The following SLC25A13 variants were observed in gnomAD, a reference collection of about 807,000 sequenced individuals.
SLC25A13 encodes the protein electrogenic aspartate/glutamate antiporter SLC25A13, mitochondrial.
In SLC25A13, 70 loss-of-function variants were observed where a neutral mutation model predicts 85.5. That is an observed-to-expected ratio of 0.82 (90% CI 0.68 to 1.00). SLC25A13 has a LOEUF of 1.00. Ranked by LOEUF, SLC25A13 falls within the 50% of genes least tolerant of loss-of-function variation. The probability of loss-of-function intolerance (pLI) is 0.00; values close to 1 mark genes in which losing one functional copy is unlikely to be tolerated. For synonymous variants in SLC25A13, 259 were observed against 288.7 expected (o/e 0.90, Z 1.04); for missense variants, 765 against 819.8 (o/e 0.93, Z 0.82).
chr7:96,168,546 C>T (rs951492978), intron 13 of SLC25A13, among the ~76,000 whole-genome samples: 10 of 152,154 alleles, frequency 6.6e-5, no homozygotes, highest in African/African-American at 1.4e-4. Context: ...CTAGAAAATA[C>T]GTGCCACAAC....
Position 96,121,925 on chromosome 7 carries a change from C to T in SLC25A13, c.1664G>A (p.Gly555Asp). 1 of 1,614,068 alleles carries T rather than the reference C, an allele frequency of 6.2e-7. No individual in the cohort carries two copies. The highest frequency in any genetic ancestry group is 8.5e-7 in the Non-Finnish European group (1 of 1,180,016). The stretch of plus-strand genomic sequence containing the variant: ...TATCACTCCGCTGTAAGTGGTTTGG[C>T]CAGCCCGGGCAGCCACCTGTAATCT... ...KTRLQVAARAGQTTYSGVIDC... is the reference protein window; with the variant it reads ...KTRLQVAARADQTTYSGVIDC... The change falls in exon 16 of 18, where the codon GGC becomes GAC. Residue 555 changes from glycine (G) to aspartate (D), a missense_variant. Coordinates refer to ENST00000265631, the MANE Select transcript of SLC25A13 (RefSeq NM_014251.3).
intron 4 of SLC25A13, among the ~76,000 whole-genome samples, chr7:96,223,924 G>A (rs1401682696): frequency 6.6e-6 from 1 of 151,494 alleles, no homozygotes; most frequent in Non-Finnish European, 1.5e-5. Flanking sequence ...AGCATTATAA[G>A]ATACATCACT....
At chr7:96,149,446 G>A (rs1792934057) in intron 13 of SLC25A13, among the ~76,000 whole-genome samples, 1 of 152,074 alleles carries the variant, frequency 6.6e-6, no homozygotes, top group African/African-American at 2.4e-5. Context: ...CTGACTCCAA[G>A]CCAACCAACA....
intron 13 of SLC25A13, 61 bp downstream of exon 13, chr7:96,169,984 T>C (rs1793931637): frequency 3.4e-6 from 5 of 1,490,122 alleles, no homozygotes; most frequent in Non-Finnish European, 4.7e-6. Context: ...CTGTTGACCA[T>C]GGTAGTGATA....
chr7:96,245,014 T>C (rs556229573), intron 3 of SLC25A13, among the ~76,000 whole-genome samples: 37 of 152,268 alleles, frequency 2.4e-4, no homozygotes, highest in Admixed American at 1.4e-3. Flanking sequence ...AAGTGATCTG[T>C]CCATACTGCC....
chr7:96,262,855 C>CCT (rs1223535719), intron 3 of SLC25A13, among the ~76,000 whole-genome samples: 1 of 152,134 alleles, frequency 6.6e-6, no homozygotes, highest in African/African-American at 2.4e-5. Context: ...AATTATTTAA[C>CCT]CTCTCTAATT....
intron 1 of SLC25A13, among the ~76,000 whole-genome samples, chr7:96,312,930 T>C (rs751697910): frequency 2.6e-5 from 4 of 152,162 alleles, no homozygotes; most frequent in Non-Finnish European, 5.9e-5. Context: ...TTTTGCCACA[T>C]CCAATTCAGG....
intron 8 of SLC25A13, 75 bp downstream of exon 8, chr7:96,189,506 T>A: frequency 6.5e-7 from 1 of 1,535,406 alleles, no homozygotes; most frequent in East Asian, 2.3e-5. Context: ...CTTCTTTTTC[T>A]CCTGATTGCT....
rs138873935 is a variant in SLC25A13 at position 96,226,900 on chromosome 7, C to T, written c.328+7902G>A. Among the ~76,000 whole-genome samples the T allele has an allele frequency of 6.2e-4, 94 of 152,118 alleles. 3 individuals are homozygous for T. The East Asian group carries it at 0.017, about 28-fold the overall frequency. ...CTCTTCTTACCCTGCTTGTCTTCCA[C>T]CATGATTTACTCCCTTTGAATACCC... On this transcript the variant is annotated intron_variant, in intron 4 of 17. Transcript: ENST00000265631.
intron 2 of SLC25A13, among the ~76,000 whole-genome samples, chr7:96,281,496 C>A (rs11763512): frequency 0.57 from 86,386 of 151,888 alleles, 26,017 homozygotes; most frequent in Non-Finnish European, 0.67. Context: ...CGTATAATTC[C>A]ATTCACGCAA....
At chr7:96,274,439 T>G (rs1023181102) in intron 3 of SLC25A13, among the ~76,000 whole-genome samples, 4 of 152,166 alleles carry the variant, frequency 2.6e-5, no homozygotes, top group African/African-American at 9.7e-5. Context: ...TTGAAAAAAT[T>G]TTCTCCCATT....
chr7:96,233,154 A>C (rs529317138), intron 4 of SLC25A13, among the ~76,000 whole-genome samples: 5 of 152,318 alleles, frequency 3.3e-5, no homozygotes, highest in Admixed American at 2.6e-4. Flanking sequence ...TCCATTCCTC[A>C]CATCCAGACT....
chr7:96,171,894 T>G (rs774358440), intron 11 of SLC25A13, among the ~76,000 whole-genome samples: 2 of 152,170 alleles, frequency 1.3e-5, no homozygotes, highest in Non-Finnish European at 2.9e-5. Context: ...GAACATTTAG[T>G]GGAGCTACGT....
intron 2 of SLC25A13, among the ~76,000 whole-genome samples, chr7:96,286,034 C>T (rs1798871788): frequency 6.6e-6 from 1 of 152,104 alleles, no homozygotes; most frequent in Non-Finnish European, 1.5e-5. Context: ...CCTGTAATCC[C>T]AGCACTTTGG....
chr7:96,191,011 T>C lies in SLC25A13; in HGVS notation c.754+98A>G, dbSNP rs949629359. ...TTATCATATAGTTAATATGTGTCAA[T>C]GGGATAGAAAAATAATAAAGTACTA... is the stretch of plus-strand genomic sequence containing the variant. On this transcript the variant is annotated intron_variant, in intron 7 of 17. Coordinates refer to ENST00000265631, the MANE Select transcript of SLC25A13 (RefSeq NM_014251.3). 4.3e-6 allele frequency: 6 copies of C among 1,382,080 alleles called. No individual in the cohort carries two copies. The African/African-American group carries it at 5.7e-5, about 13-fold the overall frequency. The allele number at this position is 1,382,080 out of a possible 1,614,324, so 85.6% of individuals were successfully genotyped here.
chr7:96,188,011 A>AG (rs1470618294), intron 9 of SLC25A13, among the ~76,000 whole-genome samples: 3 of 152,172 alleles, frequency 2.0e-5, no homozygotes, highest in Non-Finnish European at 4.4e-5. Flanking sequence ...AACTCTCAAA[A>AG]GCTGCAAAGA....
intron 3 of SLC25A13, among the ~76,000 whole-genome samples, chr7:96,262,336 T>C (rs1797883929): frequency 6.6e-6 from 1 of 152,234 alleles, no homozygotes; most frequent in African/African-American, 2.4e-5. Flanking sequence ...AAGAACAGTA[T>C]TTGCTCTTTC....
At chr7:96,283,302 T>G in intron 2 of SLC25A13, 1 of 237,352 alleles carries the variant, frequency 4.2e-6, no homozygotes, top group Non-Finnish European at 8.7e-6. Context: ...ATTAAAAATA[T>G]TGTAGTAGGG....
intron 3 of SLC25A13, among the ~76,000 whole-genome samples, chr7:96,243,624 G>A (rs1339712897): frequency 2.0e-5 from 3 of 152,128 alleles, no homozygotes; most frequent in Non-Finnish European, 4.4e-5. Context: ...ATGGGGTTGG[G>A]AGATAAGGCT....
Sources: gnomAD v4.1 joint callset for allele counts (sites outside exome capture counted in the v4.1 genomes callset) on GRCh38, gnomAD v4.1.1 for gene constraint, MANE v1.5 for transcripts, NCBI Gene and HGNC (gene_info 2026-07-23, HGNC 2026-07-21) for gene names.